Variants in FNDC3B observed in about 807,000 individuals in gnomAD.
The protein encoded by FNDC3B is fibronectin type III domain-containing protein 3B.
A neutral mutation model predicts 151.5 loss-of-function variants in FNDC3B; 12 were observed. The ratio of observed to expected loss-of-function variants is 0.08; its 90% CI spans 0.05 to 0.13. The LOEUF (loss-of-function observed/expected upper bound fraction) is 0.13, where lower values mean the gene tolerates loss of function less well. Among genes scored for constraint, FNDC3B ranks in the 10% least tolerant of loss-of-function variants. The probability of loss-of-function intolerance (pLI) is 1.00; values close to 1 mark genes in which losing one functional copy is unlikely to be tolerated. For missense variants in FNDC3B, 1,214 were observed against 1,505.3 expected, an observed-to-expected ratio of 0.81 and a Z score of 3.20; for synonymous variants, 528 against 549.0, an observed-to-expected ratio of 0.96 and a Z score of 0.54.
intron 23 of FNDC3B, among the ~76,000 whole-genome samples, chr3:172,364,712 G>A (rs1215468224): frequency 2.0e-5 from 3 of 152,190 alleles, no homozygotes; most frequent in African/African-American, 4.8e-5. Flanking sequence ...ATTTAAATAT[G>A]CCAGACAAAA....
intron 3 of FNDC3B, among the ~76,000 whole-genome samples, chr3:172,183,757 C>G: frequency 6.6e-6 from 1 of 152,086 alleles, no homozygotes; most frequent in East Asian, 1.9e-4. Flanking sequence ...TGTTTTCTTC[C>G]TTTCTCACGT....
At chr3:172,228,642 T>C in intron 4 of FNDC3B, among the ~76,000 whole-genome samples, 1 of 152,190 alleles carries the variant, frequency 6.6e-6, no homozygotes, top group Non-Finnish European at 1.5e-5. Context: ...TGTATGAAAC[T>C]GATGATGGAA....
chr3:172,213,772 CTT>C (rs1266923166), intron 3 of FNDC3B, among the ~76,000 whole-genome samples: 1 of 152,134 alleles, frequency 6.6e-6, no homozygotes, highest in African/African-American at 2.4e-5. Flanking sequence ...GAGGAGCTAA[CTT>C]TAAAATGTAT....
intron 3 of FNDC3B, among the ~76,000 whole-genome samples, chr3:172,224,538 G>GT (rs1482891115): frequency 1.3e-5 from 2 of 151,898 alleles, no homozygotes; most frequent in Non-Finnish European, 2.9e-5. Flanking sequence ...CCCTGCTCCT[G>GT]TTTTTTTTCC....
At chr3:172,156,395 G>T (rs1722486251) in intron 3 of FNDC3B, among the ~76,000 whole-genome samples, 1 of 152,216 alleles carries the variant, frequency 6.6e-6, no homozygotes, top group South Asian at 2.1e-4. Flanking sequence ...GCTCCAAGTG[G>T]CCATTCCCTC....
chr3:172,385,996 G>C (rs1450170726), intron 25 of FNDC3B, among the ~76,000 whole-genome samples: 1 of 152,172 alleles, frequency 6.6e-6, no homozygotes, highest in Non-Finnish European at 1.5e-5. Context: ...ACAATGTGGG[G>C]CAAGCAGCTG....
intron 3 of FNDC3B, among the ~76,000 whole-genome samples, chr3:172,140,723 G>A (rs112164374): frequency 0.013 from 2,042 of 152,308 alleles, 15 homozygotes; most frequent in Non-Finnish European, 0.017. Context: ...ATGTCATGAG[G>A]CTGGGTTACG....
chr3:172,187,513 A>G (rs1157449911), intron 3 of FNDC3B, among the ~76,000 whole-genome samples: 2 of 152,232 alleles, frequency 1.3e-5, no homozygotes, highest in Non-Finnish European at 2.9e-5. Flanking sequence ...CAGGAATATT[A>G]TAATAGAAAC....
intron 11 of FNDC3B, among the ~76,000 whole-genome samples, chr3:172,313,513 A>G (rs1177877655): frequency 6.6e-6 from 1 of 152,214 alleles, no homozygotes; most frequent in Non-Finnish European, 1.5e-5. Context: ...TTCACTGTTC[A>G]TTAATTATTT....
At position 172,040,151 on chromosome 3, in the gene FNDC3B, C is replaced by T. The variant is rs1715946964; in HGVS notation, c.-29+380C>T. On this transcript the variant is annotated intron_variant, in intron 1 of 25. Coordinates refer to ENST00000415807, the MANE Select transcript of FNDC3B (RefSeq NM_022763.4). The surrounding 1 kb of genome is among the most constrained non-coding windows in gnomAD (Gnocchi z 6.6). ...CAGCAGATTTTGTCCGAGGAATCCG[C>T]TCCCCCTCCCGGAATCTCCGCGGCA... is the stretch of plus-strand genomic sequence containing the variant. Among the ~76,000 whole-genome samples the T allele has an allele frequency of 1.3e-5, 2 of 152,200 alleles. No individual in the cohort carries two copies. Among genetic ancestry groups the T allele is most frequent in the African/African-American group, 2.4e-5 (1 of 41,458 alleles).
chr3:172,145,532 A>G (rs913862873), intron 3 of FNDC3B, among the ~76,000 whole-genome samples: 3 of 152,210 alleles, frequency 2.0e-5, no homozygotes, highest in Non-Finnish European at 4.4e-5. Flanking sequence ...TGGATTTTGA[A>G]CATCATTTCA....
At chr3:172,104,956 C>T (rs1335486594) in intron 1 of FNDC3B, among the ~76,000 whole-genome samples, 1 of 152,122 alleles carries the variant, frequency 6.6e-6, no homozygotes, top group Non-Finnish European at 1.5e-5. Context: ...AAACATCAGT[C>T]AACCTTTCAA....
intron 1 of FNDC3B, among the ~76,000 whole-genome samples, chr3:172,086,567 A>G (rs1003473194): frequency 2.0e-5 from 3 of 152,230 alleles, no homozygotes; most frequent in African/African-American, 7.2e-5. Flanking sequence ...TTATGTAAAA[A>G]TTGGCCTAAG....
chr3:172,050,092 T>G (rs563452640), intron 1 of FNDC3B, among the ~76,000 whole-genome samples: 130 of 152,290 alleles, frequency 8.5e-4, no homozygotes, highest in African/African-American at 3.0e-3. Flanking sequence ...GTTTTTTTTT[T>G]GTGAGGTATT....
In FNDC3B at chr3:172,112,503, C is replaced by A. The variant is rs539042799; in HGVS notation, c.24C>A (p.Thr8=). MYVTMMM[T]DQIPLELPPL... is the part of the protein sequence containing the mutation. ...GAATGTACGTCACAATGATGATGAC[C>A]GACCAAATCCCTCTGGAACTGCCAC... Residue 8 remains threonine, a synonymous_variant, in exon 2 of 26, where the codon ACC becomes ACA. Transcript: ENST00000415807. 6.2e-7 allele frequency: 1 copy of A among 1,613,772 alleles called. No individual in the cohort carries two copies. Among genetic ancestry groups the A allele is most frequent in the African/African-American group, 1.3e-5 (1 of 74,902 alleles).
At chr3:172,075,749 AC>A (rs1717978444) in intron 1 of FNDC3B, among the ~76,000 whole-genome samples, 1 of 151,526 alleles carries the variant, frequency 6.6e-6, no homozygotes, top group Non-Finnish European at 1.5e-5. Flanking sequence ...ACACACACAC[AC>A]ACACACACAC....
intron 11 of FNDC3B, among the ~76,000 whole-genome samples, chr3:172,315,999 T>A (rs541171976): frequency 7.5e-6 from 1 of 133,796 alleles, no homozygotes; most frequent in African/African-American, 2.9e-5. Flanking sequence ...TCTTTCTTCT[T>A]CTTTTTTTTT....
intron 1 of FNDC3B, among the ~76,000 whole-genome samples, chr3:172,061,731 C>T (rs902170707): frequency 8.5e-5 from 13 of 152,304 alleles, no homozygotes; most frequent in East Asian, 1.9e-4. Flanking sequence ...AAATGAACTA[C>T]AGTGAGACAT....
At chr3:172,150,840 C>T (rs1388517519) in intron 3 of FNDC3B, among the ~76,000 whole-genome samples, 2 of 152,024 alleles carry the variant, frequency 1.3e-5, no homozygotes, top group East Asian at 3.9e-4. Flanking sequence ...ATGGGGTGTC[C>T]ATCCGCTCAA....
Sources: gnomAD v4.1 joint callset for allele counts (sites outside exome capture counted in the v4.1 genomes callset) on GRCh38, gnomAD v4.1.1 for gene constraint, Gnocchi (gnomAD v3.1) non-coding constraint, MANE v1.5 for transcripts, NCBI Gene and HGNC (gene_info 2026-07-23, HGNC 2026-07-21) for gene names.